MAGI2: variants seen among roughly 807,000 people sequenced by gnomAD.
The protein encoded by MAGI2 is membrane-associated guanylate kinase, WW and PDZ domain-containing protein 2.
Under a neutral mutation model 133.3 loss-of-function variants are expected in MAGI2, and 35 were observed. The observed-to-expected ratio is 0.26, with a 90% CI of 0.20 to 0.35. MAGI2 has a LOEUF of 0.35. Ranked by LOEUF, MAGI2 falls within the 10% of genes least tolerant of loss-of-function variation. The probability of loss-of-function intolerance (pLI) is 1.00; values close to 1 mark genes in which losing one functional copy is unlikely to be tolerated. For missense variants in MAGI2, 1,636 were observed against 1,863.4 expected (o/e 0.88, Z 2.25); for synonymous variants, 729 against 710.6 (o/e 1.03, Z -0.41).
intron 2 of MAGI2, among the ~76,000 whole-genome samples, chr7:78,656,987 T>C (rs1242971248): frequency 8.2e-6 from 1 of 122,308 alleles, no homozygotes; most frequent in Non-Finnish European, 1.8e-5. Flanking sequence ...TAAAACCCAG[T>C]ATAAAAAAAA....
chr7:79,146,054 T>A (rs1822585188), intron 1 of MAGI2, among the ~76,000 whole-genome samples: 1 of 144,580 alleles, frequency 6.9e-6, no homozygotes, highest in Non-Finnish European at 1.5e-5. Context: ...ATGTAAGAGA[T>A]TTTTTTTTTT....
At chr7:78,741,014 G>A (rs1472585725) in intron 2 of MAGI2, among the ~76,000 whole-genome samples, 1 of 151,120 alleles carries the variant, frequency 6.6e-6, no homozygotes. Context: ...TAGATTTGTG[G>A]CACACTGTGC....
At chr7:78,686,024 G>A (rs1456268125) in intron 2 of MAGI2, among the ~76,000 whole-genome samples, 1 of 114,242 alleles carries the variant, frequency 8.8e-6, no homozygotes, top group Non-Finnish European at 1.9e-5. Flanking sequence ...GCCATGTTTT[G>A]GTTCTTTTAC....
chr7:79,433,525 C>T (rs1187723779), intron 1 of MAGI2, among the ~76,000 whole-genome samples: 3 of 151,742 alleles, frequency 2.0e-5, no homozygotes, highest in Non-Finnish European at 4.4e-5. Context: ...TGCACTCCAG[C>T]CTGGGCGACA....
chr7:79,243,088 C>A (rs765315956), intron 1 of MAGI2, among the ~76,000 whole-genome samples: 1 of 151,742 alleles, frequency 6.6e-6, no homozygotes, highest in Admixed American at 6.6e-5. Flanking sequence ...TGGTTGTGCA[C>A]GCCTGTAATC....
At chr7:78,536,907 G>A (rs1328284315) in intron 3 of MAGI2, among the ~76,000 whole-genome samples, 6 of 151,838 alleles carry the variant, frequency 4.0e-5, no homozygotes, top group Non-Finnish European at 8.8e-5. Context: ...GGTGCACTCA[G>A]CACCTATGCA....
intron 2 of MAGI2, among the ~76,000 whole-genome samples, chr7:78,778,671 G>A (rs190408039): frequency 6.6e-6 from 1 of 152,168 alleles, no homozygotes; most frequent in Non-Finnish European, 1.5e-5. Context: ...CCTAGCACTG[G>A]AAAAAGAAAC....
chr7:78,753,065 A>G (rs1823602638), intron 2 of MAGI2, among the ~76,000 whole-genome samples: 2 of 152,248 alleles, frequency 1.3e-5, no homozygotes, highest in African/African-American at 2.4e-5. Flanking sequence ...AACAGAAAGC[A>G]AAATAATATC....
chr7:79,132,750 A>T (rs1821045785), intron 1 of MAGI2, among the ~76,000 whole-genome samples: 1 of 152,114 alleles, frequency 6.6e-6, no homozygotes, highest in South Asian at 2.1e-4. Context: ...GGTTTTACTA[A>T]TTAACATTCC....
At chr7:79,203,587 T>A (rs1420228481) in intron 1 of MAGI2, among the ~76,000 whole-genome samples, 3 of 151,930 alleles carry the variant, frequency 2.0e-5, no homozygotes, top group East Asian at 1.9e-4. Context: ...TACACAAAAA[T>A]AATTCTGAAC....
chr7:79,127,476 T>C (rs1457992743), intron 1 of MAGI2, among the ~76,000 whole-genome samples: 2 of 152,126 alleles, frequency 1.3e-5, no homozygotes, highest in Non-Finnish European at 2.9e-5. Context: ...TTCCTGACTT[T>C]TTAATGATTG....
intron 2 of MAGI2, among the ~76,000 whole-genome samples, chr7:78,673,297 C>T (rs1322630472): frequency 6.6e-6 from 1 of 151,906 alleles, no homozygotes; most frequent in Non-Finnish European, 1.5e-5. Flanking sequence ...CACACAGACA[C>T]ACACACACAC....
chr7:78,208,994 A>C (rs553030617), intron 10 of MAGI2, among the ~76,000 whole-genome samples: 2 of 151,236 alleles, frequency 1.3e-5, no homozygotes, highest in African/African-American at 4.9e-5. Flanking sequence ...AGGCCGAGGC[A>C]GGTGGATCAC....
In MAGI2 at chr7:78,573,365, A is replaced by AATATATATATATATATATAT. The variant is rs58739225; in HGVS notation, c.539-51740_539-51721dup. ...ATATATAGAGAGAGAGAATCCTGGA[A>AATATATATATATATATATAT]ATATATATATATATATATATATATA... On this transcript the variant is annotated intron_variant, in intron 3 of 21. Transcript: ENST00000354212. Among the ~76,000 whole-genome samples, 29 of 29,026 alleles carry AATATATATATATATATATAT rather than the reference A, an allele frequency of 1.0e-3. 1 individual carries two copies. The highest frequency in any genetic ancestry group is 1.2e-3 in the Non-Finnish European group (22 of 19,110). 19.0% of individuals were successfully genotyped at this position (29,026 alleles called of 152,430 possible). A position where few individuals can be genotyped will look rare whatever the true frequency, so the allele number is the denominator to read the frequency against.
At position 78,099,551 on chromosome 7, in the gene MAGI2, T is replaced by A. The variant is rs1818017110; in HGVS notation, c.3568-20466A>T. 2.6e-5 allele frequency among the ~76,000 whole-genome samples: 4 copies of A among 152,174 alleles called. No individual in the cohort carries two copies. The South Asian group carries it at 8.3e-4, about 32-fold the overall frequency. On this transcript the variant is annotated intron_variant, in intron 20 of 21. Transcript: ENST00000354212. ...ATACATCACTAAAAAGATAAGGCTT[T>A]TACCTAATAGAAGAACTGTATAATG...
intron 1 of MAGI2, among the ~76,000 whole-genome samples, chr7:79,093,359 C>G (rs1817231733): frequency 6.6e-6 from 1 of 152,000 alleles, no homozygotes; most frequent in Non-Finnish European, 1.5e-5. Flanking sequence ...AGGTATACCT[C>G]AGAGATATTG....
chr7:78,308,795 T>C (rs1798451920), intron 9 of MAGI2, among the ~76,000 whole-genome samples: 1 of 152,208 alleles, frequency 6.6e-6, no homozygotes, highest in Non-Finnish European at 1.5e-5. Context: ...GTTTTCATCA[T>C]ATTATGTGCT....
intron 2 of MAGI2, among the ~76,000 whole-genome samples, chr7:78,786,827 A>G (rs1225997552): frequency 2.0e-5 from 3 of 152,180 alleles, no homozygotes; most frequent in Non-Finnish European, 4.4e-5. Flanking sequence ...CTAGAATGGA[A>G]GCCTAATGAG....
chr7:78,248,925 T>C (rs999887183), intron 10 of MAGI2, among the ~76,000 whole-genome samples: 1 of 151,480 alleles, frequency 6.6e-6, no homozygotes, highest in Non-Finnish European at 1.5e-5. Context: ...ACCTCCAAAA[T>C]AGGAGAAAAC....
Sources: allele counts gnomAD v4.1 joint callset (sites outside exome capture counted in the v4.1 genomes callset), GRCh38; gene constraint gnomAD v4.1.1; transcripts MANE v1.5; gene names NCBI Gene and HGNC (gene_info 2026-07-23, HGNC 2026-07-21).